The following MCF2L variants were observed in gnomAD, a reference collection of about 807,000 sequenced individuals.
MCF2L encodes the protein guanine nucleotide exchange factor DBS.
In MCF2L, 97 loss-of-function variants were observed where a neutral mutation model predicts 153.4. The ratio of observed to expected loss-of-function variants is 0.63; its 90% CI spans 0.54 to 0.75. The LOEUF (loss-of-function observed/expected upper bound fraction) is 0.75. Among genes scored for constraint, MCF2L ranks in the 30% least tolerant of loss-of-function variants. The pLI, the probability that MCF2L is intolerant of heterozygous loss-of-function variation, is 0.00. For missense variants in MCF2L, 1,347 were observed against 1,495.2 expected (o/e 0.90, Z 1.64); for synonymous variants, 659 against 632.2 (o/e 1.04, Z -0.64).
intron 3 of MCF2L, among the ~76,000 whole-genome samples, chr13:113,025,735 T>C (rs112485721): frequency 7.2e-6 from 1 of 138,658 alleles, no homozygotes; most frequent in African/African-American, 2.7e-5. Flanking sequence ...CTGTGAGATT[T>C]CACCAGGGTG....
At chr13:113,021,146 A>G (rs939227281) in intron 2 of MCF2L, among the ~76,000 whole-genome samples, 1 of 152,104 alleles carries the variant, frequency 6.6e-6, no homozygotes, top group East Asian at 1.9e-4. Flanking sequence ...CTGTGTATAC[A>G]TGTGTGTGTA....
chr13:112,987,311 C>CATGCAGCCCCCGGTGAGGGGCAGGG (rs11268184), intron 1 of MCF2L, among the ~76,000 whole-genome samples: 2 of 151,836 alleles, frequency 1.3e-5, no homozygotes, highest in Non-Finnish European at 2.9e-5. Context: ...GCCTGGAGCA[C>CATGCAGCCCCCGGTGAGGGGCAGGG]ACCTTGTGGA....
At chr13:112,994,708 T>C (rs1290189586) in intron 1 of MCF2L, among the ~76,000 whole-genome samples, 1 of 152,100 alleles carries the variant, frequency 6.6e-6, no homozygotes, top group African/African-American at 2.4e-5. Flanking sequence ...GGGTGGGGCA[T>C]CCTCCCGGGC....
At chr13:113,093,497 T>C (rs984200578) in intron 26 of MCF2L, 2 of 152,286 alleles carry the variant, frequency 1.3e-5, no homozygotes, top group African/African-American at 4.8e-5. Flanking sequence ...CTGTCAGCCA[T>C]TGGAACTGGC....
At chr13:113,011,586 G>A (rs1026158509) in intron 1 of MCF2L, among the ~76,000 whole-genome samples, 1 of 149,314 alleles carries the variant, frequency 6.7e-6, no homozygotes, top group Non-Finnish European at 1.5e-5. Context: ...TGGACAGGTG[G>A]TGTGGACGGT....
At chr13:112,996,480 G>A (rs917320017) in intron 1 of MCF2L, among the ~76,000 whole-genome samples, 3 of 152,184 alleles carry the variant, frequency 2.0e-5, no homozygotes, top group African/African-American at 4.8e-5. Flanking sequence ...GGCCAGGCTC[G>A]ACCTGTGCTG....
intron 2 of MCF2L, among the ~76,000 whole-genome samples, chr13:112,927,804 C>T (rs2081422929): frequency 6.6e-6 from 1 of 152,216 alleles, no homozygotes; most frequent in African/African-American, 2.4e-5. Flanking sequence ...AAACCCACCT[C>T]ATGTGAAGCT....
chr13:113,064,610 G>C lies in MCF2L; in HGVS notation c.606+190G>C, dbSNP rs2032069322. 1 of 588,652 alleles carries C rather than the reference G, an allele frequency of 1.7e-6. No individual in the cohort carries two copies. The highest frequency in any genetic ancestry group is 2.8e-5 in the East Asian group (1 of 35,904). The allele number at this position is 588,652 out of a possible 1,614,324, so 36.5% of individuals were successfully genotyped here. The stretch of plus-strand genomic sequence containing the variant: ...AAGAAGTAACGTGAGTCATAAGTTT[G>C]GGAGTGGCTTTCTCTGGGCTTGGAG... On this transcript the variant is annotated intron_variant, in intron 6 of 29. Transcript: ENST00000535094. The surrounding 1 kb of genome is among the most constrained non-coding windows in gnomAD (Gnocchi z 6.0).
Position 113,089,643 on chromosome 13 carries a change from G to A in MCF2L, c.2868G>A (p.Lys956=). Residue 956 remains lysine (K), a synonymous_variant, in exon 26 of 30, where the codon AAG becomes AAA. Coordinates refer to ENST00000535094, the MANE Select transcript of MCF2L (RefSeq NM_001112732.3). ...GAGGAAACTCAAGGAACATCAAGAA[G>A]CTGGAAGAAAGGAAAACAGACCCCC... ...PSRGNSRNIK[K]LEERKTDPLS... 5 of 1,613,890 alleles carry A rather than the reference G, an allele frequency of 3.1e-6. No individual in the cohort carries two copies. Among genetic ancestry groups the A allele is most frequent in the African/African-American group, 1.3e-5 (1 of 75,034 alleles).
In MCF2L at chr13:113,064,090, A is replaced by G. The variant is rs1193158537; in HGVS notation, c.490-214A>G. Among the ~76,000 whole-genome samples the G allele has an allele frequency of 1.3e-5, 2 of 152,130 alleles. No homozygotes were observed. The highest frequency in any genetic ancestry group is 2.9e-5 in the Non-Finnish European group (2 of 68,010). ...CCATCATAAGGGCCATAACACACAC[A>G]CGCCACCACGAGAGGAGGTGTCGGC... On this transcript the variant is annotated intron_variant, in intron 5 of 29. Transcript: ENST00000535094. The surrounding 1 kb of genome is among the most constrained non-coding windows in gnomAD (Gnocchi z 6.0).
intron 2 of MCF2L, among the ~76,000 whole-genome samples, chr13:112,933,705 G>A (rs574978390): frequency 1.2e-4 from 18 of 152,378 alleles, no homozygotes; most frequent in East Asian, 5.8e-4. Context: ...AGGTGTGCCC[G>A]AGTCTTATTA....
At chr13:113,065,522 G>A (rs890163713) in intron 7 of MCF2L, among the ~76,000 whole-genome samples, 5 of 152,382 alleles carry the variant, frequency 3.3e-5, no homozygotes, top group African/African-American at 9.6e-5. Flanking sequence ...TGAAGTGGCG[G>A]TTGGAATTCC....
intron 8 of MCF2L, among the ~76,000 whole-genome samples, chr13:113,069,822 G>A (rs1468732679): frequency 6.6e-6 from 1 of 152,224 alleles, no homozygotes; most frequent in Non-Finnish European, 1.5e-5. Flanking sequence ...AGGGAGAGAA[G>A]CAGGAAGGAA....
chr13:113,078,931 C>G (rs1293002405), intron 15 of MCF2L, among the ~76,000 whole-genome samples, 192 bp downstream of exon 15: 1 of 152,234 alleles, frequency 6.6e-6, no homozygotes, highest in Admixed American at 6.5e-5. Context: ...GTCCCCACCG[C>G]GTGAAGCACA....
intron 3 of MCF2L, chr13:113,044,752 C>T (rs776132464): frequency 4.3e-6 from 7 of 1,612,940 alleles, no homozygotes; most frequent in South Asian, 2.2e-5. Context: ...AGTGCTGCCT[C>T]CTCTCCCGTT....
At chr13:112,920,160 G>A (rs2081337801) in intron 2 of MCF2L, among the ~76,000 whole-genome samples, 2 of 152,192 alleles carry the variant, frequency 1.3e-5, no homozygotes, top group Non-Finnish European at 2.9e-5. Context: ...TGGCAGACAA[G>A]CCCGTGTTAC....
At chr13:113,006,164 C>A (rs2141098457) in intron 1 of MCF2L, among the ~76,000 whole-genome samples, 1 of 152,322 alleles carries the variant, frequency 6.6e-6, no homozygotes, top group East Asian at 1.9e-4. Flanking sequence ...CATGTCGGCA[C>A]CCTCCCAGCC....
chr13:113,010,123 C>G (rs1358140445), intron 1 of MCF2L: 4 of 150,196 alleles, frequency 2.7e-5, no homozygotes, highest in African/African-American at 4.9e-5. Flanking sequence ...ATACCCCCCC[C>G]ACCCGCACCA....
rs1241333110 is a variant in MCF2L at position 113,017,312 on chromosome 13, G to C, written c.163+2466G>C. 2.0e-5 allele frequency among the ~76,000 whole-genome samples: 3 copies of C among 152,316 alleles called. No homozygotes were observed. The East Asian group carries it at 5.8e-4, about 29-fold the overall frequency. ...CCGTGGGGCTGTGCCCCTTCCGGAG[G>C]CTCCTCCTGCTTTGGGGACGCAGGT... is the stretch of plus-strand genomic sequence containing the variant. On this transcript the variant is annotated intron_variant, in intron 2 of 29. Coordinates refer to ENST00000535094, the MANE Select transcript of MCF2L (RefSeq NM_001112732.3).
Sources: allele counts gnomAD v4.1 joint callset (sites outside exome capture counted in the v4.1 genomes callset), GRCh38; gene constraint gnomAD v4.1.1; non-coding constraint Gnocchi (gnomAD v3.1); transcripts MANE v1.5; gene names NCBI Gene and HGNC (gene_info 2026-07-23, HGNC 2026-07-21).